PDIA4: variants seen among roughly 807,000 people sequenced by gnomAD.
The protein encoded by PDIA4 is protein disulfide-isomerase A4.
A neutral mutation model predicts 62.1 loss-of-function variants in PDIA4; 33 were observed. The ratio of observed to expected loss-of-function variants is 0.53; its 90% CI spans 0.40 to 0.71. The LOEUF is 0.71. PDIA4 is among the 30% of genes least tolerant of loss of function. The probability of loss-of-function intolerance (pLI) is 0.00; values close to 1 mark genes in which losing one functional copy is unlikely to be tolerated. For synonymous variants in PDIA4, 341 were observed against 324.1 expected, an observed-to-expected ratio of 1.05 and a Z score of -0.56; for missense variants, 804 against 813.6, an observed-to-expected ratio of 0.99 and a Z score of 0.14.
At chr7:149,018,941 C>T (rs776997778) in intron 3 of PDIA4, 51 bp downstream of exon 3, 5 of 1,408,978 alleles carry the variant, frequency 3.5e-6, no homozygotes, top group Middle Eastern at 2.3e-4. Context: ...GCCAAATTCC[C>T]ATTCCCTGCG....
intron 1 of PDIA4, 63 bp downstream of exon 1, chr7:149,028,258 G>A (rs1824630086): frequency 7.2e-6 from 9 of 1,253,724 alleles, no homozygotes; most frequent in East Asian, 5.3e-5. Flanking sequence ...CAGGGCCCAG[G>A]CCCCCGCACA....
Position 149,021,092 on chromosome 7 carries a change from A to T in PDIA4, c.144T>A (p.Asp48Glu), listed in dbSNP as rs1295973161. 2 of 1,612,044 alleles carry T rather than the reference A, an allele frequency of 1.2e-6. No homozygotes were observed. Among genetic ancestry groups the T allele is most frequent in the East Asian group, 2.2e-5 (1 of 44,856 alleles). ...IEDEEEEEEEDDDEEEDDLEV... is the reference protein window; with the variant it reads ...IEDEEEEEEEEDDEEEDDLEV... ...CCAAGTCGTCTTCTTCCTCATCATCATCTTCCTCCTCCTCCTCCTCTTCAT... is the reference window on the plus strand; with the variant it reads ...CCAAGTCGTCTTCTTCCTCATCATCTTCTTCCTCCTCCTCCTCCTCTTCAT... The change falls in exon 2 of 10, where the codon GAT becomes GAA. Residue 48 changes from aspartate (D) to glutamate (E), a missense_variant. By Grantham distance (45) the Asp-to-Glu change is conservative. Coordinates refer to ENST00000652332, the MANE Select transcript of PDIA4 (RefSeq NM_004911.5).
chr7:149,016,634 T>C (rs2129505008), intron 3 of PDIA4, among the ~76,000 whole-genome samples: 1 of 152,058 alleles, frequency 6.6e-6, no homozygotes, highest in African/African-American at 2.4e-5. Context: ...TTCTCCTGCC[T>C]CAGCCTCCTC....
In PDIA4 at chr7:149,004,142, CACG is replaced by C. The variant is rs773957834; in HGVS notation, c.1587_1589del (p.Val531del). ...CAATGGAGTCAAAGGTCTTTCCCAC[CACG>C]ACCTTGACGGGTCCCTTGTTGTTCT... On this transcript the variant is annotated inframe_deletion, in exon 10 of 10. Transcript: ENST00000652332. 1.2e-6 allele frequency: 2 copies of C among 1,614,142 alleles called. No homozygotes were observed. Among genetic ancestry groups the C allele is most frequent in the Non-Finnish European group, 1.7e-6 (2 of 1,180,006 alleles).
In PDIA4 at chr7:149,003,800, C is replaced by T. The variant is rs1408493053; in HGVS notation, c.1932G>A (p.Glu644=). ...TTCCGCAGACCTCAGGCCTTCAAAGCTCTTCCTTGGTCCTGCTCAGTTTTG... is the reference window on the plus strand; with the variant it reads ...TTCCGCAGACCTCAGGCCTTCAAAGTTCTTCCTTGGTCCTGCTCAGTTTTG... The part of the protein sequence containing the change: ...HATKLSRTKE[E]L The change falls in exon 10 of 10, where the codon GAG becomes GAA. Residue 644 remains glutamate (E), a synonymous_variant. Coordinates refer to ENST00000652332, the MANE Select transcript of PDIA4 (RefSeq NM_004911.5). 9 of 1,539,182 alleles carry T rather than the reference C, an allele frequency of 5.8e-6. No individual in the cohort carries two copies. Among genetic ancestry groups the T allele is most frequent in the Non-Finnish European group, 7.0e-6 (8 of 1,142,416 alleles).
chr7:149,019,908 T>C (rs1342704819), intron 2 of PDIA4, among the ~76,000 whole-genome samples: 1 of 152,228 alleles, frequency 6.6e-6, no homozygotes, highest in African/African-American at 2.4e-5. Flanking sequence ...CCTCACTTCT[T>C]AAGAATGTTA....
intron 2 of PDIA4, among the ~76,000 whole-genome samples, chr7:149,020,295 G>A (rs944113561): frequency 1.3e-5 from 2 of 152,134 alleles, no homozygotes; most frequent in Non-Finnish European, 2.9e-5. Flanking sequence ...CTTGTGCTAC[G>A]CTTGACCCTC....
intron 1 of PDIA4, among the ~76,000 whole-genome samples, chr7:149,022,980 T>C (rs1317814406): frequency 6.6e-6 from 1 of 152,208 alleles, no homozygotes; most frequent in Non-Finnish European, 1.5e-5. Flanking sequence ...ACTTAAGGCT[T>C]AGGATCCTCT....
At chr7:149,008,011 T>G in intron 7 of PDIA4, 148 bp downstream of exon 7, 3 of 713,580 alleles carry the variant, frequency 4.2e-6, no homozygotes, top group East Asian at 3.0e-5. Context: ...AGAAAACCTG[T>G]GGGGTGGGGA....
At position 149,020,108 on chromosome 7, in the gene PDIA4, G is replaced by A. The variant is rs549200870; in HGVS notation, c.269+859C>T. 3.3e-4 allele frequency among the ~76,000 whole-genome samples: 50 copies of A among 152,196 alleles called. 1 individual carries two copies. The highest frequency in any genetic ancestry group is 6.8e-3 in the Middle Eastern group (2 of 292). ...CCCGAATAGCCGGGACTACAGGTGCGTGCCAACCACCATGCCTAATTTTTG... is the reference window on the plus strand; with the variant it reads ...CCCGAATAGCCGGGACTACAGGTGCATGCCAACCACCATGCCTAATTTTTG... On this transcript the variant is annotated intron_variant, in intron 2 of 9. Transcript: ENST00000652332.
intron 3 of PDIA4, 125 bp from the exon 4 acceptor site, chr7:149,015,167 T>A (rs1198295100): frequency 6.5e-6 from 6 of 929,802 alleles, no homozygotes; most frequent in Non-Finnish European, 9.6e-6. Flanking sequence ...AGGAGGTGTC[T>A]GATTTCCTGA....
Position 149,019,013 on chromosome 7 carries a change from C to A in PDIA4, c.454G>T (p.Glu152Ter). ...ILKKGQAVDY[E>*]GSRTQEEIVA... ...TCACCTTCCTGGGTTCTGGAGCCCTCGTAGTCTACAGCCTGCCCCTTCTTA... is the reference window on the plus strand; with the variant it reads ...TCACCTTCCTGGGTTCTGGAGCCCTAGTAGTCTACAGCCTGCCCCTTCTTA... Residue 152 changes from glutamate (E) to a stop codon, truncating the protein, a stop_gained, in exon 3 of 10, where the codon GAG becomes TAG. Transcript: ENST00000652332. LOFTEE classifies it high-confidence loss of function. The A allele has an allele frequency of 6.2e-7, 1 of 1,613,308 alleles. No individual in the cohort carries two copies. Among genetic ancestry groups the A allele is most frequent in the South Asian group, 1.1e-5 (1 of 91,026 alleles).
In PDIA4 at chr7:149,024,641, T is replaced by A. The variant is rs938491910; in HGVS notation, c.89-3494A>T. Among the ~76,000 whole-genome samples the A allele has an allele frequency of 4.0e-5, 6 of 151,532 alleles. No individual in the cohort carries two copies. In the East Asian group the frequency reaches 5.8e-4, roughly 15 times the overall value. ...CCTCCTGGCCAACATCGTGAAACCC[T>A]GTCTCTACTAAAATACAGAAAAAAG... On this transcript the variant is annotated intron_variant, in intron 1 of 9. Coordinates refer to ENST00000652332, the MANE Select transcript of PDIA4 (RefSeq NM_004911.5).
At chr7:149,014,832 G>T in intron 4 of PDIA4, 72 bp downstream of exon 4, 1 of 1,461,742 alleles carries the variant, frequency 6.8e-7, no homozygotes, top group African/African-American at 1.4e-5. Context: ...TGCCTCACGG[G>T]CAGGGGCCTG....
chr7:149,021,002 G>C lies in PDIA4; in HGVS notation c.234C>G (p.Asp78Glu). Residue 78 changes from aspartate (D) to glutamate (E), a missense_variant, in exon 2 of 10, where the codon GAC becomes GAG. Transcript: ENST00000652332. ...NDANFDNFVA[D>E]KDTVLLEFYA... ...AAAACTCCAGCAGCACTGTGTCTTT[G>C]TCAGCCACAAAATTATCAAAGTTTG... The C allele has an allele frequency of 6.2e-7, 1 of 1,614,120 alleles. No individual in the cohort carries two copies. Among genetic ancestry groups the C allele is most frequent in the East Asian group, 2.2e-5 (1 of 44,886 alleles).
chr7:149,028,256 A>T, intron 1 of PDIA4, 65 bp downstream of exon 1: 1 of 1,223,692 alleles, frequency 8.2e-7, no homozygotes, highest in Non-Finnish European at 1.1e-6. Context: ...CGCAGGGCCC[A>T]GGCCCCCGCA....
At chr7:149,025,027 G>A (rs1011754380) in intron 1 of PDIA4, among the ~76,000 whole-genome samples, 2 of 130,260 alleles carry the variant, frequency 1.5e-5, no homozygotes, top group African/African-American at 5.8e-5. Context: ...GAGAGATGAC[G>A]CCATTGCACT....
chr7:149,006,164 T>C, intron 7 of PDIA4, 111 bp from the exon 8 acceptor site: 3 of 1,174,884 alleles, frequency 2.6e-6, no homozygotes, highest in Non-Finnish European at 2.3e-6. Context: ...GGATCAGTCT[T>C]AGGAGGCAAA....
chr7:149,023,791 G>A (rs757277478), intron 1 of PDIA4, among the ~76,000 whole-genome samples: 1 of 152,156 alleles, frequency 6.6e-6, no homozygotes, highest in Non-Finnish European at 1.5e-5. Flanking sequence ...CCTTTACAGG[G>A]TGAATTTTAC....
Sources: gnomAD v4.1 joint callset for allele counts (sites outside exome capture counted in the v4.1 genomes callset) on GRCh38, gnomAD v4.1.1 for gene constraint, MANE v1.5 for transcripts, NCBI Gene and HGNC (gene_info 2026-07-23, HGNC 2026-07-21) for gene names.